Variants in PRSS48 observed in about 807,000 individuals in gnomAD.
PRSS48 encodes the protein serine protease 48, also known as epidermis-specific serine protease-like protein.
Under a neutral mutation model 25.6 loss-of-function variants are expected in PRSS48, and 21 were observed. The observed-to-expected ratio is 0.82, with a 90% CI of 0.58 to 1.18. PRSS48 has a LOEUF of 1.18. PRSS48 is among the 50% of genes most tolerant of loss of function. The pLI is 0.00. For missense variants in PRSS48, 373 were observed against 399.3 expected (o/e 0.93, Z 0.56); for synonymous variants, 150 against 149.3 (o/e 1.00, Z -0.04).
At chr4:151,279,952 T>C (rs1257627399) in exon 2 of PRSS48, 3 of 1,613,248 alleles carry the variant, frequency 1.9e-6, no homozygotes, top group Admixed American at 1.7e-5. Context: ...GCACACTGCA[T>C]ACAACCGTGA....
chr4:151,288,664 A>G (rs1372077309), intron 4 of PRSS48, among the ~76,000 whole-genome samples: 4 of 151,580 alleles, frequency 2.6e-5, no homozygotes, highest in African/African-American at 9.7e-5. Context: ...ACGAAGCGAG[A>G]CTCTGTCTTA....
chr4:151,291,723 T>C (rs1229671533), downstream of PRSS48, among the ~76,000 whole-genome samples: 1 of 152,190 alleles, frequency 6.6e-6, no homozygotes, highest in Admixed American at 6.5e-5. Context: ...TATGAATAAG[T>C]ATTTGTAGAC....
intron 4 of PRSS48, among the ~76,000 whole-genome samples, chr4:151,287,619 T>C (rs1301166317): frequency 6.6e-6 from 1 of 152,024 alleles, no homozygotes; most frequent in Non-Finnish European, 1.5e-5. Context: ...CTTTTTAGGA[T>C]GTGGTGACTC....
In PRSS48 at chr4:151,279,811, T is replaced by C. The variant is rs746583624; in HGVS notation, c.68T>C (p.Val23Ala). The C allele has an allele frequency of 9.9e-6, 16 of 1,613,902 alleles. No homozygotes were observed. The highest frequency in any genetic ancestry group is 1.4e-5 in the Non-Finnish European group (16 of 1,179,902). The change falls in exon 2 of 5, where the codon GTA becomes GCA. Residue 23 changes from valine to alanine, a missense_variant. Physicochemically the swap from Val to Ala is moderately conservative, Grantham distance 64. Transcript: ENST00000455694. Reference sequence around the variant, plus strand: ...CTTTCTCTAGTGTGTGGGCAACCTGTATACTCCAGCCGCGTTGTAGGTGGC... The same window carrying C: ...CTTTCTCTAGTGTGTGGGCAACCTGCATACTCCAGCCGCGTTGTAGGTGGC...
At chr4:151,284,165 ATTCTGCC>A (rs1295058326) in intron 4 of PRSS48, among the ~76,000 whole-genome samples, 1 of 152,222 alleles carries the variant, frequency 6.6e-6, no homozygotes, top group Non-Finnish European at 1.5e-5. Context: ...TTCAAAAACT[ATTCTGCC>A]TCATTTCTCT....
intron 1 of PRSS48, chr4:151,279,078 GA>G (rs1773923819): frequency 4.9e-6 from 2 of 412,242 alleles, no homozygotes; most frequent in Non-Finnish European, 9.3e-6. Context: ...ACTGACCAGG[GA>G]ACATCCACAG....
At chr4:151,277,330 T>A in intron 1 of PRSS48, 106 bp downstream of exon 1, 1 of 860,422 alleles carries the variant, frequency 1.2e-6, no homozygotes, top group Non-Finnish European at 1.6e-6. Context: ...TAGTTATGAG[T>A]AGCACAGCCT....
At chr4:151,279,894 T>C in exon 2 of PRSS48, 1 of 1,613,834 alleles carries the variant, frequency 6.2e-7, no homozygotes, top group South Asian at 1.1e-5. Context: ...TGACCACAAC[T>C]TTATCTGTGG....
At chr4:151,282,539 T>C (rs1443411804) in intron 3 of PRSS48, 126 bp downstream of exon 3, 1 of 919,644 alleles carries the variant, frequency 1.1e-6, no homozygotes, top group African/African-American at 1.7e-5. Context: ...TCTAATGATA[T>C]TATCTATAAG....
chr4:151,281,699 T>TTTA (rs751514957), intron 2 of PRSS48, among the ~76,000 whole-genome samples: 2 of 149,278 alleles, frequency 1.3e-5, no homozygotes, highest in African/African-American at 5.1e-5. Flanking sequence ...TTATTTATTT[T>TTTA]GTACATCTTA....
At chr4:151,280,421 C>T (rs1192006836) in intron 2 of PRSS48, among the ~76,000 whole-genome samples, 2 of 151,510 alleles carry the variant, frequency 1.3e-5, no homozygotes, top group African/African-American at 4.9e-5. Flanking sequence ...ACCTTGATTG[C>T]AGCTGCAGCT....
intron 2 of PRSS48, among the ~76,000 whole-genome samples, 166 bp from the exon 3 acceptor site, chr4:151,281,980 AAG>A (rs1774279503): frequency 6.6e-6 from 1 of 152,194 alleles, no homozygotes; most frequent in African/African-American, 2.4e-5. Flanking sequence ...GACGGGGAGA[AAG>A]AGAGGAAAGA....
In PRSS48 at chr4:151,290,998, C is replaced by T. The variant is rs965296957; in HGVS notation, c.652-120C>T. 3 of 677,452 alleles carry T rather than the reference C, an allele frequency of 4.4e-6. No individual in the cohort carries two copies. In the African/African-American group the frequency reaches 5.4e-5, roughly 12 times the overall value. 42.0% of individuals were successfully genotyped at this position (677,452 alleles called of 1,614,324 possible). Reference sequence around the variant, plus strand: ...AAGCAGTGATTAGTCCAGCCCCCTGCAGGGTTCCACAGCTCCATGGGTCTC... The same window carrying T: ...AAGCAGTGATTAGTCCAGCCCCCTGTAGGGTTCCACAGCTCCATGGGTCTC... On this transcript the variant is annotated intron_variant, in intron 4 of 4. Transcript: ENST00000455694.
exon 5 of PRSS48, chr4:151,291,134 C>T: frequency 1.2e-6 from 2 of 1,612,072 alleles, no homozygotes; most frequent in Non-Finnish European, 1.7e-6. Flanking sequence ...TCTGGAGGGC[C>T]TCTGTCGTGT....
chr4:151,281,796 G>A (rs576144811), intron 2 of PRSS48, among the ~76,000 whole-genome samples: 1 of 152,100 alleles, frequency 6.6e-6, no homozygotes, highest in Non-Finnish European at 1.5e-5. Flanking sequence ...AAGGTCTAGT[G>A]CTCAGAACAG....
chr4:151,291,853 CT>C (rs1272859800), downstream of PRSS48, among the ~76,000 whole-genome samples: 1 of 152,136 alleles, frequency 6.6e-6, no homozygotes, highest in Non-Finnish European at 1.5e-5. Flanking sequence ...TATTTCTCAC[CT>C]TCTCTATTAT....
chr4:151,290,296 T>C, intron 4 of PRSS48, among the ~76,000 whole-genome samples: 1 of 152,140 alleles, frequency 6.6e-6, no homozygotes, highest in East Asian at 1.9e-4. Flanking sequence ...GCAATCACAA[T>C]GTCCATTAGG....
intron 2 of PRSS48, among the ~76,000 whole-genome samples, chr4:151,280,680 AC>A (rs1325020776): frequency 3.3e-5 from 5 of 152,058 alleles, no homozygotes; most frequent in African/African-American, 9.7e-5. Flanking sequence ...AATCCCAGCT[AC>A]TCATGAGGCT....
intron 2 of PRSS48, 139 bp downstream of exon 2, chr4:151,280,097 C>CTAGGGATGA: frequency 3.0e-6 from 3 of 998,846 alleles, no homozygotes; most frequent in South Asian, 3.1e-5. Context: ...GACTATCAAA[C>CTAGGGATGA]CCGAAACAAC....
Sources: gnomAD v4.1 joint callset for allele counts (sites outside exome capture counted in the v4.1 genomes callset) on GRCh38, gnomAD v4.1.1 for gene constraint, MANE v1.5 for transcripts, NCBI Gene and HGNC (gene_info 2026-07-23, HGNC 2026-07-21) for gene names.